Variants in TAFA5 observed in about 807,000 individuals in gnomAD.
The protein encoded by TAFA5 is TAFA chemokine like family member 5, also known as chemokine-like protein TAFA-5.
In TAFA5, 6 loss-of-function variants were observed where a neutral mutation model predicts 15.3. That is an observed-to-expected ratio of 0.39 (90% CI 0.21 to 0.77). The LOEUF (loss-of-function observed/expected upper bound fraction) is 0.77. Among genes scored for constraint, TAFA5 ranks in the 30% least tolerant of loss-of-function variants. The pLI is 0.41. For synonymous variants in TAFA5, 103 were observed against 80.7 expected, an observed-to-expected ratio of 1.28 and a Z score of -1.48; for missense variants, 161 against 193.1, an observed-to-expected ratio of 0.83 and a Z score of 0.98.
chr22:48,721,297 C>T (rs1929562544), intron 3 of TAFA5, among the ~76,000 whole-genome samples: 2 of 152,208 alleles, frequency 1.3e-5, no homozygotes, highest in Non-Finnish European at 2.9e-5. Context: ...CATTTCAGCC[C>T]GCCCACTGCC....
chr22:48,736,880 A>G (rs1351211584), intron 3 of TAFA5, among the ~76,000 whole-genome samples: 3 of 152,174 alleles, frequency 2.0e-5, no homozygotes, highest in Non-Finnish European at 2.9e-5. Context: ...TTTCGAGGAG[A>G]TGAAGGTGTC....
intron 1 of TAFA5, among the ~76,000 whole-genome samples, chr22:48,551,316 G>A (rs534878839): frequency 2.0e-5 from 3 of 152,158 alleles, no homozygotes; most frequent in Non-Finnish European, 2.9e-5. Flanking sequence ...AGGGCTGGGC[G>A]GCTCGGCTCT....
intron 1 of TAFA5, 138 bp from the exon 2 acceptor site, chr22:48,646,459 G>C: frequency 2.7e-6 from 3 of 1,095,658 alleles, no homozygotes; most frequent in Non-Finnish European, 1.3e-6. Flanking sequence ...GCTTTCGGAC[G>C]CTCCCTCTGA....
chr22:48,725,220 C>T (rs1046127542), intron 3 of TAFA5, among the ~76,000 whole-genome samples: 10 of 152,184 alleles, frequency 6.6e-5, no homozygotes, highest in African/African-American at 2.2e-4. Flanking sequence ...GGAACCAGAG[C>T]GAGACTGGAG....
rs565816752 is a variant in TAFA5, at chr22:48,501,905, A to C, written c.112+12201A>C. On this transcript the variant is annotated intron_variant, in intron 1 of 3. Coordinates refer to ENST00000402357, the MANE Select transcript of TAFA5 (RefSeq NM_001082967.3). ...TCTTCTGAAACAGCAGGCAGAATGG[A>C]GGAGTTGCAGAGATGGGGTGTGCGG... Among the ~76,000 whole-genome samples the C allele has an allele frequency of 7.9e-5, 12 of 152,286 alleles. No individual in the cohort carries two copies. In the South Asian group the frequency reaches 1.7e-3, roughly 21 times the overall value.
At chr22:48,569,535 T>C (rs1367924880) in intron 1 of TAFA5, among the ~76,000 whole-genome samples, 1 of 152,160 alleles carries the variant, frequency 6.6e-6, no homozygotes, top group Admixed American at 6.5e-5. Flanking sequence ...ATAGCATTCC[T>C]GTGAGCACCA....
chr22:48,597,384 C>G (rs1467975132), intron 1 of TAFA5, among the ~76,000 whole-genome samples: 1 of 150,870 alleles, frequency 6.6e-6, no homozygotes, highest in African/African-American at 2.4e-5. Flanking sequence ...GCCCGCATCA[C>G]CTGGGCCTCA....
At position 48,693,207 on chromosome 22, in the gene TAFA5, C is replaced by G. The variant is rs960878281; in HGVS notation, c.263-14510C>G. 1.5e-5 allele frequency: 20 copies of G among 1,313,580 alleles called. No homozygotes were observed. The African/African-American group carries it at 2.5e-4, about 16-fold the overall frequency. The allele number at this position is 1,313,580 out of a possible 1,614,324, so 81.4% of individuals were successfully genotyped here. A position where few individuals can be genotyped will look rare whatever the true frequency, so the allele number is the denominator to read the frequency against. On this transcript the variant is annotated intron_variant, in intron 2 of 3. Transcript: ENST00000402357. ...CCTGGAGGGGCCTCAGTGACGGGGCCTCACTCGTCCTCAGAGCAGCCTGGC... is the reference window on the plus strand; with the variant it reads ...CCTGGAGGGGCCTCAGTGACGGGGCGTCACTCGTCCTCAGAGCAGCCTGGC...
intron 1 of TAFA5, among the ~76,000 whole-genome samples, chr22:48,643,372 C>T (rs1397543991): frequency 6.6e-6 from 1 of 152,190 alleles, no homozygotes; most frequent in Admixed American, 6.5e-5. Context: ...ACCGTCTCGT[C>T]CATGGAGTTT....
At chr22:48,698,034 G>A (rs968949381) in intron 2 of TAFA5, among the ~76,000 whole-genome samples, 5 of 149,950 alleles carry the variant, frequency 3.3e-5, no homozygotes, top group Non-Finnish European at 7.4e-5. Context: ...GAAGATAATG[G>A]TGGCGATGGT....
chr22:48,613,909 C>T (rs1379863548), intron 1 of TAFA5, among the ~76,000 whole-genome samples: 1 of 152,228 alleles, frequency 6.6e-6, no homozygotes, highest in Non-Finnish European at 1.5e-5. Flanking sequence ...CTCCTGGGTG[C>T]AGTCTGGAGA....
intron 1 of TAFA5, chr22:48,576,538 G>C: frequency 5.3e-6 from 8 of 1,517,546 alleles, no homozygotes; most frequent in Non-Finnish European, 7.1e-6. Context: ...CTGCTTCCTC[G>C]TCCTAGTGAT....
chr22:48,510,675 G>T (rs187103831), intron 1 of TAFA5, among the ~76,000 whole-genome samples: 7 of 152,302 alleles, frequency 4.6e-5, no homozygotes, highest in African/African-American at 4.8e-5. Context: ...TGGCTTGAAG[G>T]CCTCCTCCTC....
chr22:48,639,414 C>T (rs867525585), intron 1 of TAFA5, among the ~76,000 whole-genome samples: 3 of 152,244 alleles, frequency 2.0e-5, no homozygotes, highest in South Asian at 2.1e-4. Flanking sequence ...TCCTGTCATC[C>T]GTCACATCAG....
At position 48,489,700 on chromosome 22, in the gene TAFA5, C is replaced by T. The variant is rs770041382; in HGVS notation, c.108C>T (p.Tyr36=). 5.8e-5 allele frequency: 86 copies of T among 1,495,236 alleles called. No homozygotes were observed. Among genetic ancestry groups the T allele is most frequent in the Non-Finnish European group, 7.5e-5 (84 of 1,118,402 alleles). 92.6% of individuals were successfully genotyped at this position (1,495,236 alleles called of 1,614,324 possible). The part of the protein sequence containing the change: ...FMILASLLIA[Y]CSQLAAGTCE... ...TCCTGGCCAGCCTGCTCATCGCCTACTGCAGTGAGTACCGCGCGGCCCCGG... is the reference window on the plus strand; with the variant it reads ...TCCTGGCCAGCCTGCTCATCGCCTATTGCAGTGAGTACCGCGCGGCCCCGG... The change falls in exon 1 of 4, where the codon TAC becomes TAT. Residue 36 remains tyrosine, a synonymous_variant. Transcript: ENST00000402357. The surrounding 1 kb of genome is among the most constrained non-coding windows in gnomAD (Gnocchi z 5.5).
At chr22:48,737,307 T>C (rs574325251) in intron 3 of TAFA5, among the ~76,000 whole-genome samples, 1 of 152,304 alleles carries the variant, frequency 6.6e-6, no homozygotes, top group African/African-American at 2.4e-5. Context: ...CTTCAGAAGC[T>C]ACTTGGCCCC....
chr22:48,707,832 A>G lies in TAFA5; in HGVS notation c.378A>G (p.Ile126Met). 6.2e-7 allele frequency: 1 copy of G among 1,613,534 alleles called. No homozygotes were observed. Among genetic ancestry groups the G allele is most frequent in the Non-Finnish European group, 8.5e-7 (1 of 1,179,794 alleles). ...GWTCTQPGGR[I>M]KTTTVS ...CGTGCACGCAGCCCGGCGGGAGGAT[A>G]AAGACCACCACGGTATGTGGCCCTC... The change falls in exon 3 of 4, where the codon ATA (isoleucine) becomes ATG (methionine). Residue 126 changes from isoleucine to methionine, a missense_variant. By Grantham distance (10) the Ile-to-Met change is conservative. Coordinates refer to ENST00000402357, the MANE Select transcript of TAFA5 (RefSeq NM_001082967.3).
chr22:48,582,316 A>G (rs548819495), intron 1 of TAFA5, among the ~76,000 whole-genome samples: 1 of 150,544 alleles, frequency 6.6e-6, no homozygotes, highest in South Asian at 2.1e-4. Flanking sequence ...CACACGCAAA[A>G]TACACCACAT....
chr22:48,489,747 C>T lies in TAFA5; in HGVS notation c.112+43C>T. On this transcript the variant is annotated intron_variant, in intron 1 of 3. Transcript: ENST00000402357. The surrounding 1 kb of genome is among the most constrained non-coding windows in gnomAD (Gnocchi z 5.5). ...CCGGCCCCGGCACGGCCCTCTGGGC[C>T]CCGGACCCCCTCCTCCGGCCCCGGC... 1.6e-6 allele frequency: 2 copies of T among 1,240,890 alleles called. No individual in the cohort carries two copies. Among genetic ancestry groups the T allele is most frequent in the East Asian group, 3.4e-5 (1 of 29,286 alleles). The allele number at this position is 1,240,890 out of a possible 1,614,324, so 76.9% of individuals were successfully genotyped here.
Sources: allele counts gnomAD v4.1 joint callset (sites outside exome capture counted in the v4.1 genomes callset), GRCh38; gene constraint gnomAD v4.1.1; non-coding constraint Gnocchi (gnomAD v3.1); transcripts MANE v1.5; gene names NCBI Gene and HGNC (gene_info 2026-07-23, HGNC 2026-07-21).